Variants in SEMA3A observed in about 807,000 individuals in gnomAD.
SEMA3A encodes semaphorin-3A.
A neutral mutation model predicts 97.9 loss-of-function variants in SEMA3A; 29 were observed. The observed-to-expected ratio is 0.30, with a 90% CI of 0.22 to 0.40. The LOEUF (loss-of-function observed/expected upper bound fraction) is 0.40, where lower values mean the gene tolerates loss of function less well. Ranked by LOEUF, SEMA3A falls within the 10% of genes least tolerant of loss-of-function variation. SEMA3A has a pLI of 1.00. For missense variants in SEMA3A, 763 were observed against 951.3 expected (o/e 0.80, Z 2.60); for synonymous variants, 321 against 323.7 (o/e 0.99, Z 0.09).
At chr7:84,481,385 G>A (rs1284867761) in intron 1 of SEMA3A, among the ~76,000 whole-genome samples, 1 of 151,984 alleles carries the variant, frequency 6.6e-6, no homozygotes, top group East Asian at 1.9e-4. Context: ...TTTCCTAAAG[G>A]AAATAAACCC....
intron 2 of SEMA3A, among the ~76,000 whole-genome samples, chr7:84,307,990 A>G (rs1312976467): frequency 6.6e-6 from 1 of 152,114 alleles, no homozygotes; most frequent in Non-Finnish European, 1.5e-5. Flanking sequence ...AGGATTTAAT[A>G]TATTTGAAAA....
intron 1 of SEMA3A, among the ~76,000 whole-genome samples, chr7:84,436,889 A>G (rs1805145775): frequency 6.6e-6 from 1 of 152,108 alleles, no homozygotes; most frequent in Admixed American, 6.5e-5. Flanking sequence ...GTAAACATTA[A>G]ATTTTAAGTG....
chr7:84,308,900 C>A (rs55963851), intron 2 of SEMA3A, among the ~76,000 whole-genome samples: 10,184 of 151,034 alleles, frequency 0.067, 485 homozygotes, highest in Non-Finnish European at 0.075. Flanking sequence ...TCACTGCAAT[C>A]TCCGCCTCCC....
At position 84,138,957 on chromosome 7, in the gene SEMA3A, G is replaced by A. The variant is rs867463472; in HGVS notation, c.113-4006C>T. On this transcript the variant is annotated intron_variant, in intron 1 of 16. Coordinates refer to ENST00000265362, the MANE Select transcript of SEMA3A (RefSeq NM_006080.3). ...CCAAATCTAGTTCTCAGATTCTTCA[G>A]TATTCTGTTTTCCTTAGTTAAATGC... Among the ~76,000 whole-genome samples the A allele has an allele frequency of 1.5e-4, 23 of 152,086 alleles. 1 individual carries two copies. Among genetic ancestry groups the A allele is most frequent in the African/African-American group, 5.5e-4 (23 of 41,548 alleles).
rs374742310 is a variant in SEMA3A at position 84,005,319 on chromosome 7, G to C, written c.1360+20C>G. 158 of 1,575,358 alleles carry C rather than the reference G, an allele frequency of 1.0e-4. No homozygotes were observed. Among genetic ancestry groups the C allele is most frequent in the Middle Eastern group, 1.7e-4 (1 of 5,976 alleles). ...CATAGTGTTCGGAAAAAAGTTTACA[G>C]CTGAAATTTAAAAATTTACCTGTTC... On this transcript the variant is annotated intron_variant, in intron 11 of 16. Transcript: ENST00000265362.
intron 2 of SEMA3A, among the ~76,000 whole-genome samples, chr7:84,348,709 G>A (rs1324362064): frequency 6.6e-6 from 1 of 152,184 alleles, no homozygotes; most frequent in Non-Finnish European, 1.5e-5. Flanking sequence ...TTTTGGCCAG[G>A]TGCAGTGGCT....
intron 4 of SEMA3A, among the ~76,000 whole-genome samples, chr7:84,068,673 T>TA (rs1793631066): frequency 6.6e-6 from 1 of 152,116 alleles, no homozygotes; most frequent in Non-Finnish European, 1.5e-5. Context: ...ACGTGCTATC[T>TA]CCTCAAAGCA....
At chr7:84,474,588 G>C (rs1469732668) in intron 1 of SEMA3A, among the ~76,000 whole-genome samples, 1 of 152,160 alleles carries the variant, frequency 6.6e-6, no homozygotes, top group Non-Finnish European at 1.5e-5. Flanking sequence ...CATCAGGAGT[G>C]TAAGAGCTGA....
intron 12 of SEMA3A, among the ~76,000 whole-genome samples, chr7:83,998,758 T>A (rs1352554193): frequency 1.3e-5 from 2 of 152,016 alleles, no homozygotes; most frequent in Admixed American, 1.3e-4. Flanking sequence ...TTTGATAAAT[T>A]ATTATTATTT....
chr7:84,152,266 A>C (rs1024106845), intron 1 of SEMA3A, among the ~76,000 whole-genome samples: 3 of 146,112 alleles, frequency 2.1e-5, no homozygotes, highest in Non-Finnish European at 4.5e-5. Context: ...GGCATTATTC[A>C]CAATAGCAAA....
At chr7:84,054,167 T>C (rs562545171) in intron 5 of SEMA3A, among the ~76,000 whole-genome samples, 16 of 152,376 alleles carry the variant, frequency 1.1e-4, no homozygotes, top group African/African-American at 3.8e-4. Context: ...ATTTCAACTT[T>C]GGTGAATCTG....
At chr7:84,335,601 A>G (rs996055264) in intron 2 of SEMA3A, among the ~76,000 whole-genome samples, 57 of 152,248 alleles carry the variant, frequency 3.7e-4, no homozygotes, top group African/African-American at 1.3e-3. Flanking sequence ...TTATTTTTAA[A>G]TGATAGACAT....
intron 3 of SEMA3A, among the ~76,000 whole-genome samples, chr7:84,282,398 A>T (rs1265224050): frequency 6.6e-6 from 1 of 152,164 alleles, no homozygotes; most frequent in Non-Finnish European, 1.5e-5. Flanking sequence ...TTTTTATGTT[A>T]GCAATTAAAT....
chr7:84,265,664 GC>G (rs1046553647), intron 3 of SEMA3A, among the ~76,000 whole-genome samples: 3 of 151,320 alleles, frequency 2.0e-5, no homozygotes, highest in African/African-American at 7.3e-5. Context: ...TGTCTACCAT[GC>G]CTGCCTGAAA....
intron 2 of SEMA3A, among the ~76,000 whole-genome samples, chr7:84,338,996 T>C (rs1453905809): frequency 1.3e-5 from 2 of 152,174 alleles, no homozygotes; most frequent in African/African-American, 4.8e-5. Flanking sequence ...TTTTATATGT[T>C]ATAGCTCAGA....
intron 1 of SEMA3A, among the ~76,000 whole-genome samples, chr7:84,469,053 T>C (rs1327918979): frequency 1.3e-5 from 2 of 152,158 alleles, no homozygotes; most frequent in Non-Finnish European, 2.9e-5. Context: ...GATGATTTCA[T>C]TTATAAAATA....
intron 1 of SEMA3A, among the ~76,000 whole-genome samples, chr7:84,144,606 G>A (rs1287730401): frequency 6.6e-6 from 1 of 152,042 alleles, no homozygotes; most frequent in Non-Finnish European, 1.5e-5. Flanking sequence ...TATCAGGTGG[G>A]CCTCATACTT....
chr7:84,190,561 CAT>C (rs1370097243), intron 1 of SEMA3A, among the ~76,000 whole-genome samples: 4 of 151,158 alleles, frequency 2.6e-5, no homozygotes, highest in Non-Finnish European at 4.5e-5. Flanking sequence ...ACAACTCCCA[CAT>C]ATGTTTCCTA....
At chr7:84,484,553 AC>A (rs1806527228) in intron 1 of SEMA3A, among the ~76,000 whole-genome samples, 1 of 151,866 alleles carries the variant, frequency 6.6e-6, no homozygotes, top group Admixed American at 6.6e-5. Flanking sequence ...TTTCACACAC[AC>A]ACACACACAC....
Sources: gnomAD v4.1 joint callset for allele counts (sites outside exome capture counted in the v4.1 genomes callset) on GRCh38, gnomAD v4.1.1 for gene constraint, MANE v1.5 for transcripts, NCBI Gene and HGNC (gene_info 2026-07-23, HGNC 2026-07-21) for gene names.